Variants in ABCC1 observed in about 807,000 individuals in gnomAD.
The protein encoded by ABCC1 is ATP binding cassette subfamily C member 1 (ABCC1 blood group), also known as multidrug resistance-associated protein 1.
Under a neutral mutation model 172.9 loss-of-function variants are expected in ABCC1, and 83 were observed. The ratio of observed to expected loss-of-function variants is 0.48; its 90% CI spans 0.40 to 0.58. The LOEUF (loss-of-function observed/expected upper bound fraction) is 0.58, where lower values mean the gene tolerates loss of function less well. Ranked by LOEUF, ABCC1 falls within the 20% of genes least tolerant of loss-of-function variation. The probability of loss-of-function intolerance (pLI) is 0.00; values close to 1 mark genes in which losing one functional copy is unlikely to be tolerated. For missense variants in ABCC1, 1,817 were observed against 2,002.7 expected, an observed-to-expected ratio of 0.91 and a Z score of 1.77; for synonymous variants, 937 against 825.2, an observed-to-expected ratio of 1.14 and a Z score of -2.32.
intron 16 of ABCC1, 149 bp from the exon 17 acceptor site, chr16:16,083,217 G>T: frequency 2.7e-6 from 2 of 749,000 alleles, no homozygotes; most frequent in Non-Finnish European, 2.2e-6. Flanking sequence ...TGTCCTTTGT[G>T]AGTCAGTTTC....
intron 20 of ABCC1, among the ~76,000 whole-genome samples, chr16:16,104,684 G>A (rs573316769): frequency 5.3e-5 from 8 of 152,340 alleles, no homozygotes; most frequent in Admixed American, 4.6e-4. Flanking sequence ...CTCAGCCCTT[G>A]GGCGGTGGAA....
intron 1 of ABCC1, among the ~76,000 whole-genome samples, chr16:15,992,848 C>T (rs1440349203): frequency 6.6e-6 from 1 of 152,188 alleles, no homozygotes; most frequent in East Asian, 1.9e-4. Context: ...GGTGACTTCT[C>T]CCGCCCAATC....
chr16:16,036,421 T>A, intron 6 of ABCC1, 51 bp from the exon 7 acceptor site: 2 of 1,570,188 alleles, frequency 1.3e-6, no homozygotes, highest in Non-Finnish European at 1.7e-6. Flanking sequence ...GTCCTCCCCC[T>A]CCTCCTGTCA....
At position 15,959,908 on chromosome 16, in the gene ABCC1, A is replaced by AG. The variant is rs2046090813; in HGVS notation, c.48+10112dup. 2.6e-5 allele frequency among the ~76,000 whole-genome samples: 4 copies of AG among 151,940 alleles called. No homozygotes were observed. The South Asian group carries it at 8.3e-4, about 32-fold the overall frequency. The stretch of plus-strand genomic sequence containing the variant: ...TTCTCTCTGAGAAACCTGTCTAGGG[A>AG]GGGAGGCTCTAGGCTAGCATCCTGT... On this transcript the variant is annotated intron_variant, in intron 1 of 30. Coordinates refer to ENST00000399410, the MANE Select transcript of ABCC1 (RefSeq NM_004996.4).
At position 15,976,756 on chromosome 16, in the gene ABCC1, C is replaced by T. The variant is rs530651364; in HGVS notation, c.48+26957C>T. Among the ~76,000 whole-genome samples, 3 of 152,310 alleles carry T rather than the reference C, an allele frequency of 2.0e-5. No individual in the cohort carries two copies. In the South Asian group the frequency reaches 6.2e-4, roughly 32 times the overall value. On this transcript the variant is annotated intron_variant, in intron 1 of 30. Transcript: ENST00000399410. ...ATGGTAGAAGTAACTGCAGCAAACT[C>T]AACCCCTAACGAGTATTCTATCTTC...
At position 16,062,343 on chromosome 16, in the gene ABCC1, C is replaced by G. The variant is rs45595942; in HGVS notation, c.1678-5813C>G. 6.2e-3 allele frequency among the ~76,000 whole-genome samples: 941 copies of G among 152,008 alleles called. 10 individuals carry two copies. Among genetic ancestry groups the G allele is most frequent in the African/African-American group, 0.022 (893 of 41,494 alleles). ...AGGACTGGCTTTTCTTCTCTTTTTT[C>G]TTTCTTTCTTTCTTTTTTAAAGAGA... On this transcript the variant is annotated intron_variant, in intron 12 of 30. Coordinates refer to ENST00000399410, the MANE Select transcript of ABCC1 (RefSeq NM_004996.4).
At chr16:16,012,168 T>G (rs929922472) in intron 3 of ABCC1, among the ~76,000 whole-genome samples, 1 of 152,204 alleles carries the variant, frequency 6.6e-6, no homozygotes, top group Non-Finnish European at 1.5e-5. Context: ...TCCTAATCCC[T>G]TTATTAACCC....
At chr16:16,098,947 G>A in intron 19 of ABCC1, 1 of 1,342,862 alleles carries the variant, frequency 7.4e-7, no homozygotes, top group Non-Finnish European at 9.9e-7. Flanking sequence ...ATAGAATGAG[G>A]CCAGAGACGG....
At chr16:16,129,973 T>C (rs1471566118) in intron 26 of ABCC1, among the ~76,000 whole-genome samples, 1 of 152,272 alleles carries the variant, frequency 6.6e-6, no homozygotes, top group African/African-American at 2.4e-5. Flanking sequence ...AGCACCTGTG[T>C]GTGCCCTGGA....
chr16:16,090,071 G>A (rs1030063928), intron 18 of ABCC1, among the ~76,000 whole-genome samples: 3 of 152,072 alleles, frequency 2.0e-5, no homozygotes, highest in African/African-American at 7.2e-5. Context: ...CCTTTTTGCT[G>A]TGTTTTTGCC....
Position 16,014,486 on chromosome 16 carries a change from C to T in ABCC1, c.352-5C>T. Reference sequence around the variant, plus strand: ...ACAACTCCTGTCTTGTGCTTCTCTCCTCAGCTGCTTGCTACCTTTTTAATT... The same window carrying T: ...ACAACTCCTGTCTTGTGCTTCTCTCTTCAGCTGCTTGCTACCTTTTTAATT... On this transcript the variant is annotated splice_polypyrimidine_tract_variant and splice_region_variant and intron_variant, in intron 3 of 30. Transcript: ENST00000399410. 6.2e-7 allele frequency: 1 copy of T among 1,613,670 alleles called. No homozygotes were observed. Among genetic ancestry groups the T allele is most frequent in the Non-Finnish European group, 8.5e-7 (1 of 1,179,826 alleles).
intron 3 of ABCC1, among the ~76,000 whole-genome samples, chr16:16,013,476 G>T (rs2047874740): frequency 6.6e-6 from 1 of 151,906 alleles, no homozygotes; most frequent in African/African-American, 2.4e-5. Flanking sequence ...TCACCATGTT[G>T]GCCAGGCTGG....
intron 5 of ABCC1, among the ~76,000 whole-genome samples, chr16:16,023,079 A>G (rs1220904346): frequency 6.6e-6 from 1 of 152,050 alleles, no homozygotes; most frequent in Non-Finnish European, 1.5e-5. Context: ...GTGTTTGGCT[A>G]ATTTTTAAAT....
chr16:16,050,284 C>G lies in ABCC1; in HGVS notation c.1380+1981C>G, dbSNP rs148624874. The stretch of plus-strand genomic sequence containing the variant: ...GAGCAGCCTGGCCAACATGGCAAAA[C>G]CCCGTCTCTACTAAAAATATAAACA... On this transcript the variant is annotated intron_variant, in intron 10 of 30. Coordinates refer to ENST00000399410, the MANE Select transcript of ABCC1 (RefSeq NM_004996.4). Among the ~76,000 whole-genome samples, 59 of 152,066 alleles carry G rather than the reference C, an allele frequency of 3.9e-4. 1 individual carries two copies. The highest frequency in any genetic ancestry group is 1.2e-3 in the Admixed American group (18 of 15,264).
intron 3 of ABCC1, 58 bp downstream of exon 3, chr16:16,009,959 A>C: frequency 7.1e-7 from 1 of 1,404,292 alleles, no homozygotes; most frequent in Non-Finnish European, 9.4e-7. Flanking sequence ...GGAGACCAAA[A>C]GTAATAACTC....
At chr16:16,105,154 G>T (rs535185417) in intron 20 of ABCC1, among the ~76,000 whole-genome samples, 17 of 152,328 alleles carry the variant, frequency 1.1e-4, no homozygotes, top group Non-Finnish European at 1.2e-4. Context: ...GAGAGCGAGC[G>T]AGGGCTGCGA....
At chr16:16,098,781 G>A in intron 19 of ABCC1, 1 of 1,192,232 alleles carries the variant, frequency 8.4e-7, no homozygotes, top group Non-Finnish European at 1.1e-6. Context: ...CTTTAGAAAA[G>A]ACACTCCCTT....
chr16:16,123,988 A>G (rs2045288642), intron 24 of ABCC1, among the ~76,000 whole-genome samples: 1 of 152,224 alleles, frequency 6.6e-6, no homozygotes, highest in African/African-American at 2.4e-5. Context: ...TCCACACTCC[A>G]GCCTGGATGG....
chr16:16,062,169 AG>A (rs1191552457), intron 12 of ABCC1, among the ~76,000 whole-genome samples: 3 of 152,096 alleles, frequency 2.0e-5, no homozygotes, highest in African/African-American at 4.8e-5. Flanking sequence ...CCCGCTTAGG[AG>A]GGGATGGGCA....
Sources: gnomAD v4.1 joint callset for allele counts (sites outside exome capture counted in the v4.1 genomes callset) on GRCh38, gnomAD v4.1.1 for gene constraint, MANE v1.5 for transcripts, NCBI Gene and HGNC (gene_info 2026-07-23, HGNC 2026-07-21) for gene names.